The following INTS8 variants were observed in gnomAD, a reference collection of about 807,000 sequenced individuals.
The protein encoded by INTS8 is protein kaonashi-1.
INTS8 carries 47 observed loss-of-function variants against 138.9 expected under a neutral mutation model. The ratio of observed to expected loss-of-function variants is 0.34; its 90% CI spans 0.27 to 0.43. INTS8 has a LOEUF of 0.43. INTS8 is among the 20% of genes least tolerant of loss of function. INTS8 has a pLI of 1.00. For synonymous variants in INTS8, 392 were observed against 400.9 expected (o/e 0.98, Z 0.27); for missense variants, 996 against 1,173.0 (o/e 0.85, Z 2.20).
At chr8:94,847,624 CTTAAGT>C (rs1439625649) in intron 10 of INTS8, among the ~76,000 whole-genome samples, 1 of 152,088 alleles carries the variant, frequency 6.6e-6, no homozygotes, top group Non-Finnish European at 1.5e-5. Context: ...TCCATTTCAT[CTTAAGT>C]TTATTAGTAT....
chr8:94,828,916 A>C (rs367779937), intron 4 of INTS8, 59 bp from the exon 5 acceptor site: 9 of 1,110,554 alleles, frequency 8.1e-6, no homozygotes, highest in Non-Finnish European at 1.2e-5. Context: ...TTAAGTTTTG[A>C]ATTTTTTAGT....
At chr8:94,845,923 A>G (rs935321286) in intron 10 of INTS8, among the ~76,000 whole-genome samples, 1 of 152,220 alleles carries the variant, frequency 6.6e-6, no homozygotes, top group East Asian at 1.9e-4. Flanking sequence ...TCCTAAGCCA[A>G]AGTATGCTTA....
chr8:94,877,778 C>A (rs78744292), intron 26 of INTS8, among the ~76,000 whole-genome samples: 2 of 152,130 alleles, frequency 1.3e-5, no homozygotes, highest in Admixed American at 6.5e-5. Context: ...ATACTGCAAC[C>A]CACTCTCTGC....
intron 21 of INTS8, among the ~76,000 whole-genome samples, chr8:94,872,273 G>A (rs975729585): frequency 6.6e-6 from 1 of 151,888 alleles, no homozygotes; most frequent in Non-Finnish European, 1.5e-5. Flanking sequence ...TTGTTCTGTT[G>A]CCCAGGCTGG....
chr8:94,834,557 A>T (rs935791920), intron 6 of INTS8, among the ~76,000 whole-genome samples: 5 of 151,992 alleles, frequency 3.3e-5, no homozygotes, highest in African/African-American at 1.2e-4. Context: ...AAAACACAAA[A>T]ATTAGGCGTT....
At chr8:94,854,345 T>G (rs547295438) in intron 14 of INTS8, among the ~76,000 whole-genome samples, 21 of 152,348 alleles carry the variant, frequency 1.4e-4, no homozygotes, top group African/African-American at 5.1e-4. Context: ...AAAAAGGCAT[T>G]TTGGTTTGTT....
At chr8:94,843,706 C>T (rs11781429) in intron 10 of INTS8, among the ~76,000 whole-genome samples, 25,769 of 151,952 alleles carry the variant, frequency 0.17, 2,307 homozygotes, top group Middle Eastern at 0.27. Context: ...TAGTTTTTGC[C>T]GCTTGGAACA....
At chr8:94,824,856 A>T in intron 1 of INTS8, 37 bp from the exon 2 acceptor site, 1 of 1,340,316 alleles carries the variant, frequency 7.5e-7, no homozygotes, top group Non-Finnish European at 1.0e-6. Context: ...CATAATTAAA[A>T]CTTAAATTTA....
At chr8:94,866,062 G>C in intron 17 of INTS8, 96 bp from the exon 18 acceptor site, 1 of 587,986 alleles carries the variant, frequency 1.7e-6, no homozygotes, top group South Asian at 2.1e-5. Context: ...TGCAGAATTG[G>C]AGCATTAAGA....
chr8:94,869,921 AC>A (rs1450499169), intron 20 of INTS8, among the ~76,000 whole-genome samples: 1 of 152,230 alleles, frequency 6.6e-6, no homozygotes, highest in Non-Finnish European at 1.5e-5. Flanking sequence ...GGTCAGACTC[AC>A]GGGGTTTGAG....
At chr8:94,847,748 G>A (rs764653960) in intron 10 of INTS8, among the ~76,000 whole-genome samples, 2 of 151,848 alleles carry the variant, frequency 1.3e-5, no homozygotes, top group African/African-American at 2.4e-5. Context: ...GATCTGTTAG[G>A]TTTGCTTATT....
rs935981818 is a variant in INTS8 at position 94,849,981 on chromosome 8, T to A, written c.1397T>A (p.Ile466Asn). The change falls in exon 12 of 27, where the codon ATT becomes AAT. Residue 466 changes from isoleucine (I) to asparagine (N), a missense_variant. Transcript: ENST00000523731. ...VFMISSHELF[I>N]TLLKDEERKL... ...ATGATTTCTTCACATGAGCTTTTCATTACATTGTTGAAAGATGAAGAACGA... is the reference window on the plus strand; with the variant it reads ...ATGATTTCTTCACATGAGCTTTTCAATACATTGTTGAAAGATGAAGAACGA... 9 of 1,613,148 alleles carry A rather than the reference T, an allele frequency of 5.6e-6. No individual in the cohort carries two copies. The highest frequency in any genetic ancestry group is 7.6e-6 in the Non-Finnish European group (9 of 1,179,356).
chr8:94,859,711 CT>C, intron 16 of INTS8, 79 bp downstream of exon 16: 1 of 1,157,368 alleles, frequency 8.6e-7, no homozygotes, highest in Non-Finnish European at 1.2e-6. Flanking sequence ...ACTTTGGGAA[CT>C]TGTCTAATTT....
At position 94,871,965 on chromosome 8, in the gene INTS8, C is replaced by T; in HGVS notation, c.2496C>T (p.Asn832=). The change falls in exon 21 of 27, where the codon AAC becomes AAT. Residue 832 remains asparagine (N), a synonymous_variant. Coordinates refer to ENST00000523731, the MANE Select transcript of INTS8 (RefSeq NM_017864.4). ...VRYTLSINPN[N]HSWLIIQADI... is the part of the protein sequence containing the mutation. ...ATACACTCAGTATAAATCCAAATAA[C>T]CATTCTTGGTTAATTATCCAGGCAG... 6.3e-7 allele frequency: 1 copy of T among 1,594,834 alleles called. No homozygotes were observed. Among genetic ancestry groups the T allele is most frequent in the Non-Finnish European group, 8.6e-7 (1 of 1,164,320 alleles).
chr8:94,841,365 T>A, intron 8 of INTS8, 126 bp from the exon 9 acceptor site: 1 of 516,844 alleles, frequency 1.9e-6, no homozygotes, highest in Non-Finnish European at 3.5e-6. Flanking sequence ...AAGAAAAGGT[T>A]TTCATAGTAA....
intron 7 of INTS8, 62 bp downstream of exon 7, chr8:94,836,693 G>A (rs781696043): frequency 2.0e-4 from 208 of 1,036,890 alleles, no homozygotes; most frequent in Non-Finnish European, 2.7e-4. Context: ...ACATTTTTTT[G>A]GCTTTGATTT....
chr8:94,870,976 A>C (rs1816374795), intron 20 of INTS8, among the ~76,000 whole-genome samples: 1 of 151,798 alleles, frequency 6.6e-6, no homozygotes, highest in African/African-American at 2.4e-5. Flanking sequence ...TCTTTTCTTG[A>C]TTCTTGGGGG....
At chr8:94,872,115 TCTTTAGTAA>T in intron 21 of INTS8, 113 bp downstream of exon 21, 1 of 599,496 alleles carries the variant, frequency 1.7e-6, no homozygotes, top group East Asian at 2.8e-5. Flanking sequence ...GATTTACTTG[TCTTTAGTAA>T]AATTAAAGCA....
At chr8:94,828,325 G>C (rs1384476303) in intron 4 of INTS8, among the ~76,000 whole-genome samples, 1 of 152,212 alleles carries the variant, frequency 6.6e-6, no homozygotes, top group Non-Finnish European at 1.5e-5. Context: ...ACAGGTGTGA[G>C]CCACGGCACC....
Sources: allele counts gnomAD v4.1 joint callset (sites outside exome capture counted in the v4.1 genomes callset), GRCh38; gene constraint gnomAD v4.1.1; transcripts MANE v1.5; gene names NCBI Gene and HGNC (gene_info 2026-07-23, HGNC 2026-07-21).